MAP3K10: variants seen among roughly 807,000 people sequenced by gnomAD.
The protein encoded by MAP3K10 is mitogen-activated protein kinase kinase kinase 10, also known as MKN28 derived nonreceptor_type serine/threonine kinase.
A neutral mutation model predicts 75.0 loss-of-function variants in MAP3K10; 22 were observed. That is an observed-to-expected ratio of 0.29 (90% CI 0.21 to 0.42). The LOEUF is 0.42. Among genes scored for constraint, MAP3K10 ranks in the 10% least tolerant of loss-of-function variants. The pLI, the probability that MAP3K10 is intolerant of heterozygous loss-of-function variation, is 1.00. For synonymous variants in MAP3K10, 599 were observed against 612.9 expected (o/e 0.98, Z 0.34); for missense variants, 1,165 against 1,379.8 (o/e 0.84, Z 2.47).
intron 1 of MAP3K10, among the ~76,000 whole-genome samples, chr19:40,194,821 C>G (rs1182024652): frequency 6.6e-6 from 1 of 152,066 alleles, no homozygotes; most frequent in Non-Finnish European, 1.5e-5. Flanking sequence ...AGATTTCTCC[C>G]TCCCCCAGCT....
chr19:40,204,690 G>A lies in MAP3K10; in HGVS notation c.1012+57G>A. 2 of 1,579,822 alleles carry A rather than the reference G, an allele frequency of 1.3e-6. No homozygotes were observed. Among genetic ancestry groups the A allele is most frequent in the Non-Finnish European group, 1.7e-6 (2 of 1,161,074 alleles). On this transcript the variant is annotated intron_variant, in intron 3 of 9. Coordinates refer to ENST00000253055, the MANE Select transcript of MAP3K10 (RefSeq NM_002446.4). This position sits in a 1 kb window ranked among gnomAD's most constrained non-coding sequence, Gnocchi z 4.3. Reference sequence around the variant, plus strand: ...CAGCTTGGAGTGGCAGGGACCTGTGGGCCCAGACCTTTCCCCTTCACACCT... The same window carrying A: ...CAGCTTGGAGTGGCAGGGACCTGTGAGCCCAGACCTTTCCCCTTCACACCT...
At chr19:40,208,366 T>TTTTTTTTTTTTTTTTTA in intron 5 of MAP3K10, among the ~76,000 whole-genome samples, 5 of 131,482 alleles carry the variant, frequency 3.8e-5, no homozygotes, top group African/African-American at 1.4e-4. Flanking sequence ...TTTTTTTTTT[T>TTTTTTTTTTTTTTTTTA]TTTGTATTTT....
At chr19:40,203,970 A>G (rs1408333414) in intron 2 of MAP3K10, among the ~76,000 whole-genome samples, 1 of 152,214 alleles carries the variant, frequency 6.6e-6, no homozygotes, top group Non-Finnish European at 1.5e-5. Context: ...CCTGCTCAGT[A>G]TTCAGTGTGG....
chr19:40,194,958 C>T (rs955405281), intron 1 of MAP3K10, among the ~76,000 whole-genome samples: 6 of 152,108 alleles, frequency 3.9e-5, no homozygotes, highest in Admixed American at 1.3e-4. Flanking sequence ...TTATTTAGAT[C>T]GGGTGGTCAG....
chr19:40,208,367 T>TTTTA (rs1973172107), intron 5 of MAP3K10, among the ~76,000 whole-genome samples: 3 of 130,688 alleles, frequency 2.3e-5, no homozygotes, highest in East Asian at 2.3e-4. Flanking sequence ...TTTTTTTTTT[T>TTTTA]TTGTATTTTT....
chr19:40,205,942 G>A lies in MAP3K10; in HGVS notation c.1220G>A (p.Arg407Gln), dbSNP rs781279884. The A allele has an allele frequency of 1.9e-6, 3 of 1,592,850 alleles. No homozygotes were observed. Among genetic ancestry groups the A allele is most frequent in the South Asian group, 1.1e-5 (1 of 88,292 alleles). ...ELRSREEELL[R>Q]AAQEQRFQEE... ...CGGAGCCGTGAGGAGGAGCTGCTGC[G>A]GGCGGCACAGGAGCAGCGCTTCCAG... is the stretch of plus-strand genomic sequence containing the variant. Residue 407 changes from arginine to glutamine, a missense_variant, in exon 5 of 10, where the codon CGG becomes CAG. By Grantham distance (43) the Arg-to-Gln change is conservative. Around this residue, in one of 2 missense-constraint regions of MAP3K10, gnomAD observed 575 missense variants for 793.2 expected, o/e 0.72. Coordinates refer to ENST00000253055, the MANE Select transcript of MAP3K10 (RefSeq NM_002446.4). The surrounding 1 kb of genome is among the most constrained non-coding windows in gnomAD (Gnocchi z 4.3).
chr19:40,205,510 A>T lies in MAP3K10; in HGVS notation c.1188+214A>T. On this transcript the variant is annotated intron_variant, in intron 4 of 9. Coordinates refer to ENST00000253055, the MANE Select transcript of MAP3K10 (RefSeq NM_002446.4). This position sits in a 1 kb window ranked among gnomAD's most constrained non-coding sequence, Gnocchi z 4.3. Reference sequence around the variant, plus strand: ...AAGTACTTACAGGTGACACTGCATGATGTCTGGGGTTGGCTTTAAAATACT... The same window carrying T: ...AAGTACTTACAGGTGACACTGCATGTTGTCTGGGGTTGGCTTTAAAATACT... 1 of 578,526 alleles carries T rather than the reference A, an allele frequency of 1.7e-6. No homozygotes were observed. Among genetic ancestry groups the T allele is most frequent in the East Asian group, 2.8e-5 (1 of 35,422 alleles). 35.8% of individuals were successfully genotyped at this position (578,526 alleles called of 1,614,324 possible). A position where few individuals can be genotyped will look rare whatever the true frequency, so the allele number is the denominator to read the frequency against.
chr19:40,202,275 T>C (rs866521561), intron 2 of MAP3K10, among the ~76,000 whole-genome samples: 2 of 151,744 alleles, frequency 1.3e-5, no homozygotes, highest in Non-Finnish European at 1.5e-5. Flanking sequence ...CTCCTGACCT[T>C]GTGATCCGCC....
rs1216165158 is a variant in MAP3K10 at position 40,214,118 on chromosome 19, C to T, written c.2439C>T (p.Thr813=). The change falls in exon 9 of 10, where the codon ACC becomes ACT. Residue 813 remains threonine, a synonymous_variant. Coordinates refer to ENST00000253055, the MANE Select transcript of MAP3K10 (RefSeq NM_002446.4). The part of the protein sequence containing the change: ...KKDPRQSLTP[T]HVTAACAVSR... ...ACCCCCGCCAGTCGCTCACGCCCAC[C>T]CACGTCACGGCTGCATGCGCTGTGA... 3.8e-6 allele frequency: 6 copies of T among 1,565,420 alleles called. No individual in the cohort carries two copies. The highest frequency in any genetic ancestry group is 2.3e-5 in the South Asian group (2 of 86,162).
In MAP3K10 at chr19:40,192,384, G is replaced by T; in HGVS notation, c.353G>T (p.Arg118Leu). The T allele has an allele frequency of 6.2e-7, 1 of 1,613,872 alleles. No homozygotes were observed. The highest frequency in any genetic ancestry group is 8.5e-7 in the Non-Finnish European group (1 of 1,179,950). Residue 118 changes from arginine (R) to leucine (L), a missense_variant, in exon 1 of 10, where the codon CGT (arginine) becomes CTT (leucine). Physicochemically the swap from Arg to Leu is moderately radical, Grantham distance 102. Transcript: ENST00000253055. The surrounding 1 kb of genome is among the most constrained non-coding windows in gnomAD (Gnocchi z 7.1). The stretch of plus-strand genomic sequence containing the variant: ...GGCAAGGTCTATCGGGCCCTGTGGC[G>T]TGGCGAGGAGGTGGCAGTCAAGGCC... Reference protein sequence around the residue: ...GFGKVYRALWRGEEVAVKAAR... With the variant: ...GFGKVYRALWLGEEVAVKAAR...
rs759656796 is a variant in MAP3K10, at chr19:40,192,572, G to A, written c.541G>A (p.Ala181Thr). Residue 181 changes from alanine (A) to threonine (T), a missense_variant, in exon 1 of 10, where the codon GCA becomes ACA. By Grantham distance (58) the Ala-to-Thr change is moderately conservative. Coordinates refer to ENST00000253055, the MANE Select transcript of MAP3K10 (RefSeq NM_002446.4). This position sits in a 1 kb window ranked among gnomAD's most constrained non-coding sequence, Gnocchi z 7.1. ...CLVMEYARGG[A>T]LSRVLAGRRV... ...AGTGATGGAGTATGCCCGGGGTGGTGCACTGAGCAGGGTGCTGGCAGGTCG... is the reference window on the plus strand; with the variant it reads ...AGTGATGGAGTATGCCCGGGGTGGTACACTGAGCAGGGTGCTGGCAGGTCG... The A allele has an allele frequency of 3.7e-6, 6 of 1,613,288 alleles. No homozygotes were observed. Among genetic ancestry groups the A allele is most frequent in the Non-Finnish European group, 1.7e-6 (2 of 1,179,906 alleles).
At chr19:40,193,564 C>T (rs113412200) in intron 1 of MAP3K10, among the ~76,000 whole-genome samples, 3 of 152,198 alleles carry the variant, frequency 2.0e-5, no homozygotes, top group African/African-American at 7.2e-5. Context: ...GGGAGTAAGA[C>T]AGCCATGGTT....
At chr19:40,210,594 G>A (rs1456953637) in intron 6 of MAP3K10, among the ~76,000 whole-genome samples, 2 of 152,012 alleles carry the variant, frequency 1.3e-5, no homozygotes, top group Non-Finnish European at 2.9e-5. Flanking sequence ...CCAGCTACTC[G>A]GGAGACTGAG....
Position 40,214,068 on chromosome 19 carries a change from C to A in MAP3K10, c.2389C>A (p.Leu797Met). ...PSPSTNPLVD[L>M]ELESFKKDPR... ...GCCCAGCACCAACCCCCTGGTGGAC[C>A]TGGAGCTGGAGAGCTTCAAGAAGGA... The change falls in exon 9 of 10, where the codon CTG (leucine) becomes ATG (methionine). Residue 797 changes from leucine to methionine, a missense_variant. By Grantham distance (15) the Leu-to-Met change is conservative. Around this residue, in one of 2 missense-constraint regions of MAP3K10, gnomAD observed 590 missense variants for 586.6 expected, o/e 1.01. Transcript: ENST00000253055. 1 of 1,550,338 alleles carries A rather than the reference C, an allele frequency of 6.5e-7. No homozygotes were observed. Among genetic ancestry groups the A allele is most frequent in the East Asian group, 2.4e-5 (1 of 41,302 alleles).
chr19:40,196,497 G>A (rs898469705), intron 1 of MAP3K10, among the ~76,000 whole-genome samples: 1 of 152,154 alleles, frequency 6.6e-6, no homozygotes, highest in African/African-American at 2.4e-5. Context: ...CTGAGTGACA[G>A]AAAAAGACCC....
intron 2 of MAP3K10, among the ~76,000 whole-genome samples, chr19:40,202,674 C>G (rs1973048138): frequency 6.6e-6 from 1 of 152,122 alleles, no homozygotes; most frequent in Non-Finnish European, 1.5e-5. Flanking sequence ...AAGACAGGCT[C>G]TCACTCTCCC....
At position 40,214,059 on chromosome 19, in the gene MAP3K10, C is replaced by G; in HGVS notation, c.2380C>G (p.Leu794Val). The change falls in exon 9 of 10, where the codon CTG becomes GTG. Residue 794 changes from leucine to valine, a missense_variant. Leu to Val is a conservative substitution (Grantham distance 32). Around this residue, in one of 2 missense-constraint regions of MAP3K10, gnomAD observed 590 missense variants for 586.6 expected, o/e 1.01. Transcript: ENST00000253055. Reference protein sequence around the residue: ...TPTPSPSTNPLVDLELESFKK... With the variant: ...TPTPSPSTNPVVDLELESFKK... ...CACGCCCTCGCCCAGCACCAACCCC[C>G]TGGTGGACCTGGAGCTGGAGAGCTT... 6.5e-7 allele frequency: 1 copy of G among 1,548,972 alleles called. No individual in the cohort carries two copies. Among genetic ancestry groups the G allele is most frequent in the South Asian group, 1.2e-5 (1 of 84,600 alleles).
At chr19:40,208,444 C>T (rs62107562) in intron 5 of MAP3K10, among the ~76,000 whole-genome samples, 6,724 of 147,352 alleles carry the variant, frequency 0.046, 197 homozygotes, top group Non-Finnish European at 0.058. Flanking sequence ...GATCCGCCTG[C>T]CTCGGCCTCC....
chr19:40,193,690 C>T (rs997573670), intron 1 of MAP3K10, among the ~76,000 whole-genome samples: 2 of 152,176 alleles, frequency 1.3e-5, no homozygotes, highest in African/African-American at 4.8e-5. Context: ...AAAAATCTTA[C>T]ATTCCTGGCT....
Sources: gnomAD v4.1 joint callset for allele counts (sites outside exome capture counted in the v4.1 genomes callset) on GRCh38, gnomAD v4.1.1 for gene constraint, gnomAD v4.1.1 regional missense constraint, Gnocchi (gnomAD v3.1) non-coding constraint, MANE v1.5 for transcripts, NCBI Gene and HGNC (gene_info 2026-07-23, HGNC 2026-07-21) for gene names.